The following SCAF4 variants were observed in gnomAD, a reference collection of about 807,000 sequenced individuals.
SCAF4 encodes SR-related CTD associated factor 4, also known as SR-related and CTD-associated factor 4.
A neutral mutation model predicts 129.8 loss-of-function variants in SCAF4; 25 were observed. That is an observed-to-expected ratio of 0.19 (90% CI 0.14 to 0.27). The LOEUF (loss-of-function observed/expected upper bound fraction) is 0.27. Among genes scored for constraint, SCAF4 ranks in the 10% least tolerant of loss-of-function variants. The probability of loss-of-function intolerance (pLI) is 1.00; values close to 1 mark genes in which losing one functional copy is unlikely to be tolerated. For missense variants in SCAF4, 1,246 were observed against 1,457.1 expected (o/e 0.86, Z 2.36); for synonymous variants, 551 against 497.7 (o/e 1.11, Z -1.43).
chr21:31,687,219 C>G (rs945663563), intron 16 of SCAF4, among the ~76,000 whole-genome samples: 1 of 152,184 alleles, frequency 6.6e-6, no homozygotes, highest in African/African-American at 2.4e-5. Context: ...CAGTAGATCA[C>G]ACATAGAACT....
Position 31,696,141 on chromosome 21 carries a change from C to T in SCAF4, c.1040G>A (p.Gly347Glu), listed in dbSNP as rs780807997. ...NMDQFQPRMM[G>E]IQQDPMHHQV... ...ATGGTGCATTGGATCCTGTTGTATT[C>T]CCATCATTCGTGGCTGAAACTGATC... The change falls in exon 9 of 20, where the codon GGA (glycine) becomes GAA (glutamate). Residue 347 changes from glycine (G) to glutamate (E), a missense_variant. By Grantham distance (98) the Gly-to-Glu change is moderately conservative (BLOSUM62 -2). Transcript: ENST00000286835. 1 of 1,613,068 alleles carries T rather than the reference C, an allele frequency of 6.2e-7. No homozygotes were observed. Among genetic ancestry groups the T allele is most frequent in the Non-Finnish European group, 8.5e-7 (1 of 1,179,326 alleles).
rs897883145 is a variant in SCAF4, at chr21:31,732,088, C to G, written c.-396G>C. The G allele has an allele frequency of 7.8e-4, 320 of 408,230 alleles. No individual in the cohort carries two copies. The highest frequency in any genetic ancestry group is 1.3e-3 in the Non-Finnish European group (292 of 233,126). The allele number at this position is 408,230 out of a possible 1,614,324, so 25.3% of individuals were successfully genotyped here. ...CCTCTCTCCAGCGGGATGGCGGCAG[C>G]GGCCCGAGTCCACGCCGCGCGGGGC... On this transcript the variant is annotated 5_prime_UTR_variant, in exon 1 of 20. Coordinates refer to ENST00000286835, the MANE Select transcript of SCAF4 (RefSeq NM_020706.2).
At chr21:31,695,035 C>A (rs1350668497) in intron 9 of SCAF4, 55 bp from the exon 10 acceptor site, 6 of 1,470,070 alleles carry the variant, frequency 4.1e-6, no homozygotes, top group East Asian at 2.3e-5. Flanking sequence ...ATTTGGAAAA[C>A]CTTTAGTTAT....
rs2050305655 is a variant in SCAF4 at position 31,693,378 on chromosome 21, G to A, written c.1429C>T (p.Arg477Ter). Residue 477 changes from arginine to a stop codon, truncating the protein, a stop_gained, in exon 12 of 20, where the codon CGA (arginine) becomes TGA (stop). Transcript: ENST00000286835. LOFTEE classifies it high-confidence loss of function. Reference sequence around the variant, plus strand: ...TCTCGATCCCGTCTTTCTTGAGATCGAGATCGGGGAGAATGTCGGCGTCTA... The same window carrying A: ...TCTCGATCCCGTCTTTCTTGAGATCAAGATCGGGGAGAATGTCGGCGTCTA... ...RDRRRHSPRS[R>*]SQERRDREKE... 1.3e-6 allele frequency: 2 copies of A among 1,577,736 alleles called. No individual in the cohort carries two copies. The highest frequency in any genetic ancestry group is 1.7e-6 in the Non-Finnish European group (2 of 1,154,156).
At chr21:31,685,517 G>T (rs1292450513) in intron 17 of SCAF4, 33 bp from the exon 18 acceptor site, 1 of 1,612,828 alleles carries the variant, frequency 6.2e-7, no homozygotes, top group Admixed American at 1.7e-5. Context: ...AACTTATGCT[G>T]TATCACTCCA....
At chr21:31,703,998 T>C (rs2050594128) in intron 3 of SCAF4, 72 bp from the exon 4 acceptor site, 3 of 968,060 alleles carry the variant, frequency 3.1e-6, no homozygotes, top group Non-Finnish European at 4.5e-6. Context: ...ATTTTCACAT[T>C]TATGAAACTT....
chr21:31,732,104 C>A lies in SCAF4; in HGVS notation c.-412G>T. The A allele has an allele frequency of 2.5e-6, 1 of 404,754 alleles. No homozygotes were observed. Among genetic ancestry groups the A allele is most frequent in the South Asian group, 1.0e-4 (1 of 9,788 alleles). 25.1% of individuals were successfully genotyped at this position (404,754 alleles called of 1,614,324 possible). ...TGGCGGCAGCGGCCCGAGTCCACGC[C>A]GCGCGGGGCACCCTGGGACGGCTCA... On this transcript the variant is annotated 5_prime_UTR_variant, in exon 1 of 20. Transcript: ENST00000286835.
chr21:31,722,026 C>T (rs766886461), intron 1 of SCAF4, among the ~76,000 whole-genome samples: 1 of 152,066 alleles, frequency 6.6e-6, no homozygotes, highest in Non-Finnish European at 1.5e-5. Context: ...GGCCTGAGCA[C>T]AGGCAATTCT....
intron 13 of SCAF4, 109 bp from the exon 14 acceptor site, chr21:31,692,039 A>C: frequency 3.2e-6 from 2 of 618,514 alleles, no homozygotes; most frequent in Admixed American, 6.2e-5. Flanking sequence ...CATGCTATAT[A>C]ATGTAAGGTT....
At chr21:31,701,989 G>C in intron 5 of SCAF4, 71 bp from the exon 6 acceptor site, 4 of 1,542,072 alleles carry the variant, frequency 2.6e-6, no homozygotes, top group Non-Finnish European at 3.5e-6. Flanking sequence ...AAGCTTCTTT[G>C]CTAAAATAAC....
intron 1 of SCAF4, among the ~76,000 whole-genome samples, chr21:31,720,298 T>C (rs2051038658): frequency 3.9e-5 from 6 of 152,256 alleles, no homozygotes; most frequent in Admixed American, 3.9e-4. Context: ...TAATGGAGTA[T>C]AAACTGGTAA....
Position 31,703,891 on chromosome 21 carries a change from T to C in SCAF4, c.195A>G (p.Val65=), listed in dbSNP as rs1423209495. ...KPEYKVPGLY[V]IDSIVRQSRH... is the part of the protein sequence containing the mutation. The stretch of plus-strand genomic sequence containing the variant: ...GAGACTGTCGCACAATTGAGTCAAT[T>C]ACATATAATCCCGGAACCTTGTATT... Residue 65 remains valine, a synonymous_variant, in exon 4 of 20, where the codon GTA becomes GTG. Transcript: ENST00000286835. The C allele has an allele frequency of 6.3e-7, 1 of 1,593,116 alleles. No individual in the cohort carries two copies. The highest frequency in any genetic ancestry group is 1.7e-5 in the Admixed American group (1 of 59,912).
intron 13 of SCAF4, 145 bp from the exon 14 acceptor site, chr21:31,692,075 A>C (rs1392809008): frequency 1.7e-6 from 1 of 588,292 alleles, no homozygotes; most frequent in Non-Finnish European, 3.0e-6. Context: ...TTGGCAATTC[A>C]AGTTTGGTCT....
intron 9 of SCAF4, 68 bp from the exon 10 acceptor site, chr21:31,695,048 A>G: frequency 2.3e-6 from 3 of 1,287,630 alleles, no homozygotes; most frequent in Non-Finnish European, 3.3e-6. Context: ...TTAGTTATAT[A>G]AAACTAAAAT....
chr21:31,701,659 G>C, intron 6 of SCAF4, 117 bp downstream of exon 6: 1 of 1,096,206 alleles, frequency 9.1e-7, no homozygotes, highest in Non-Finnish European at 1.3e-6. Flanking sequence ...GGCTTTTCTA[G>C]TTGAAAAGCA....
chr21:31,702,535 G>C (rs1247469563), intron 4 of SCAF4, among the ~76,000 whole-genome samples, 156 bp from the exon 5 acceptor site: 1 of 151,884 alleles, frequency 6.6e-6, no homozygotes, highest in Non-Finnish European at 1.5e-5. Context: ...ATTACAACCT[G>C]GTTAAACTAA....
chr21:31,682,062 AAT>A (rs2050007430), intron 19 of SCAF4, among the ~76,000 whole-genome samples: 2 of 152,286 alleles, frequency 1.3e-5, no homozygotes, highest in South Asian at 4.1e-4. Context: ...ATGGAACTTT[AAT>A]ATGTGTAAAT....
At chr21:31,720,312 G>C (rs561610095) in intron 1 of SCAF4, among the ~76,000 whole-genome samples, 3 of 152,170 alleles carry the variant, frequency 2.0e-5, no homozygotes, top group African/African-American at 7.2e-5. Context: ...CTGGTAAAAA[G>C]AATAGACATC....
rs2050243528 is a variant in SCAF4 at position 31,690,840 on chromosome 21, ACT to A, written c.1840_1841del (p.Ser614PhefsTer3). On this transcript the variant is annotated frameshift_variant, in exon 15 of 20. Coordinates refer to ENST00000286835, the MANE Select transcript of SCAF4 (RefSeq NM_020706.2). LOFTEE classifies it high-confidence loss of function. ...WDKVKPEELE[S>X]FCEGGMLDSD... Reference sequence around the variant, plus strand: ...TGTCCAACATTCCTCCTTCACAAAAACTCTCCAGTTCCTCAGGCTTGACTTTG... The same window carrying A: ...TGTCCAACATTCCTCCTTCACAAAAACTCCAGTTCCTCAGGCTTGACTTTG... 6.2e-7 allele frequency: 1 copy of A among 1,613,352 alleles called. No individual in the cohort carries two copies. The highest frequency in any genetic ancestry group is 1.3e-5 in the African/African-American group (1 of 74,822).
Sources: allele counts gnomAD v4.1 joint callset (sites outside exome capture counted in the v4.1 genomes callset), GRCh38; gene constraint gnomAD v4.1.1; transcripts MANE v1.5; gene names NCBI Gene and HGNC (gene_info 2026-07-23, HGNC 2026-07-21).